Variants in INPP4A observed in about 807,000 individuals in gnomAD.
The protein encoded by INPP4A is inositol polyphosphate-4-phosphatase type I A, also known as inositol polyphosphate-4-phosphatase, type I, 107kD.
In INPP4A, 33 loss-of-function variants were observed where a neutral mutation model predicts 119.8. The observed-to-expected ratio is 0.28, with a 90% CI of 0.21 to 0.37. The LOEUF is 0.37. Among genes scored for constraint, INPP4A ranks in the 10% least tolerant of loss-of-function variants. The pLI, the probability that INPP4A is intolerant of heterozygous loss-of-function variation, is 1.00. For missense variants in INPP4A, 956 were observed against 1,289.9 expected, an observed-to-expected ratio of 0.74 and a Z score of 3.97; for synonymous variants, 496 against 500.7, an observed-to-expected ratio of 0.99 and a Z score of 0.12.
At chr2:98,505,628 TAGAA>T (rs1293809237) in intron 1 of INPP4A, among the ~76,000 whole-genome samples, 1 of 152,070 alleles carries the variant, frequency 6.6e-6, no homozygotes, top group Non-Finnish European at 1.5e-5. Flanking sequence ...TAATAGTAAA[TAGAA>T]GGAAGTTACA....
intron 1 of INPP4A, among the ~76,000 whole-genome samples, chr2:98,466,012 C>T (rs1479802895): frequency 6.6e-6 from 1 of 152,010 alleles, no homozygotes; most frequent in African/African-American, 2.4e-5. Flanking sequence ...TAGGAAGGGA[C>T]CTTCTTGTTA....
chr2:98,445,431 G>T (rs907144613), intron 1 of INPP4A, among the ~76,000 whole-genome samples: 3 of 152,242 alleles, frequency 2.0e-5, no homozygotes, highest in African/African-American at 7.2e-5. Context: ...AGGCCTTGCC[G>T]TGTTTGGGGT....
chr2:98,509,994 A>T (rs1165070103), intron 1 of INPP4A, among the ~76,000 whole-genome samples: 1 of 152,218 alleles, frequency 6.6e-6, no homozygotes, highest in East Asian at 1.9e-4. Context: ...TGGCTGATGC[A>T]AAGGCCACAC....
rs753111039 is a variant in INPP4A, at chr2:98,581,533, CCTTTTTCCTTTTTCTTTCTCCCAAA to C, written c.2786+4403_2786+4427del. 7.1e-5 allele frequency: 105 copies of C among 1,487,450 alleles called. 2 individuals carry two copies. The South Asian group carries it at 1.4e-3, about 20-fold the overall frequency. 92.1% of individuals were successfully genotyped at this position (1,487,450 alleles called of 1,614,324 possible). The stretch of plus-strand genomic sequence containing the variant: ...TTTTTTTCTTTATTTTCTTTCCTTT[CCTTTTTCCTTTTTCTTTCTCCCAAA>C]CTTTTTCCTTTTCACAGCATTGGAA... On this transcript the variant is annotated intron_variant, in intron 24 of 24. Coordinates refer to ENST00000409851, the MANE Select transcript of INPP4A (RefSeq NM_001134225.2).
chr2:98,473,014 C>G (rs1317226955), intron 1 of INPP4A, among the ~76,000 whole-genome samples: 8 of 139,656 alleles, frequency 5.7e-5, no homozygotes, highest in African/African-American at 8.3e-5. Flanking sequence ...AGTGTGGGTG[C>G]AGTGAAGAGT....
rs1406429449 is a variant in INPP4A at position 98,589,794 on chromosome 2, A to G, written c.*2186A>G. 2 of 185,880 alleles carry G rather than the reference A, an allele frequency of 1.1e-5. No homozygotes were observed. Among genetic ancestry groups the G allele is most frequent in the Admixed American group, 6.2e-5 (1 of 16,100 alleles). The allele number at this position is 185,880 out of a possible 1,614,324, so 11.5% of individuals were successfully genotyped here. A position where few individuals can be genotyped will look rare whatever the true frequency, so the allele number is the denominator to read the frequency against. ...TGCAGGGAAGGCAGTTTTACAGGTT[A>G]CCGTAAAACAGAGGTTCCGTCCAGT... On this transcript the variant is annotated 3_prime_UTR_variant, in exon 25 of 25. Coordinates refer to ENST00000409851, the MANE Select transcript of INPP4A (RefSeq NM_001134225.2).
chr2:98,496,385 T>C (rs550314623), intron 1 of INPP4A, among the ~76,000 whole-genome samples: 1 of 152,272 alleles, frequency 6.6e-6, no homozygotes, highest in South Asian at 2.1e-4. Context: ...CAAAATCAAT[T>C]AAATACTTAA....
intron 1 of INPP4A, among the ~76,000 whole-genome samples, chr2:98,500,669 T>G (rs1682945358): frequency 6.6e-6 from 1 of 152,116 alleles, no homozygotes; most frequent in Non-Finnish European, 1.5e-5. Flanking sequence ...GAGAGTAAAG[T>G]GGATTCTGGC....
intron 10 of INPP4A, among the ~76,000 whole-genome samples, 167 bp from the exon 11 acceptor site, chr2:98,543,707 TCTC>T (rs759719147): frequency 2.0e-5 from 3 of 152,196 alleles, no homozygotes; most frequent in Non-Finnish European, 2.9e-5. Context: ...CTGTCTGTCC[TCTC>T]CTCCAACCCA....
intron 1 of INPP4A, among the ~76,000 whole-genome samples, chr2:98,451,268 C>T (rs1695172477): frequency 1.3e-5 from 2 of 152,188 alleles, no homozygotes; most frequent in Non-Finnish European, 2.9e-5. Flanking sequence ...GGTGAGACTG[C>T]TGGCCTTTTA....
intron 24 of INPP4A, 47 bp from the exon 25 acceptor site, chr2:98,587,429 T>C: frequency 6.6e-7 from 1 of 1,518,586 alleles, no homozygotes; most frequent in Non-Finnish European, 8.8e-7. Flanking sequence ...GTCTTTTCTT[T>C]TTTCCTTTTT....
intron 6 of INPP4A, 37 bp downstream of exon 6, chr2:98,535,882 C>T: frequency 9.4e-7 from 1 of 1,065,776 alleles, no homozygotes; most frequent in Non-Finnish European, 1.4e-6. Context: ...GATTTTCTTC[C>T]CTTTGAAAAA....
chr2:98,538,453 C>T lies in INPP4A; in HGVS notation c.580-438C>T, dbSNP rs1244237772. On this transcript the variant is annotated intron_variant, in intron 8 of 24. Coordinates refer to ENST00000409851, the MANE Select transcript of INPP4A (RefSeq NM_001134225.2). Reference sequence around the variant, plus strand: ...CCTCTCTAGCTACACCCTCCTGCACCCACTGTCATGCATAGTCTCTCACAC... The same window carrying T: ...CCTCTCTAGCTACACCCTCCTGCACTCACTGTCATGCATAGTCTCTCACAC... Among the ~76,000 whole-genome samples the T allele has an allele frequency of 2.6e-5, 4 of 152,158 alleles. No individual in the cohort carries two copies. In the East Asian group the frequency reaches 5.8e-4, roughly 22 times the overall value.
chr2:98,469,902 A>G (rs1349859853), intron 1 of INPP4A, among the ~76,000 whole-genome samples: 1 of 152,222 alleles, frequency 6.6e-6, no homozygotes, highest in Non-Finnish European at 1.5e-5. Flanking sequence ...AGTCTCTTAG[A>G]TGCCGAGCCT....
chr2:98,569,056 C>T lies in INPP4A; in HGVS notation c.2518+388C>T, dbSNP rs751701799. On this transcript the variant is annotated intron_variant, in intron 22 of 24. Transcript: ENST00000409851. The surrounding 1 kb of genome is among the most constrained non-coding windows in gnomAD (Gnocchi z 5.1). ...TTTGTGGTGCTTAGAGAGGAAGATG[C>T]GGGGCCAACATTGCTGGGTGTTTGG... 7 of 170,720 alleles carry T rather than the reference C, an allele frequency of 4.1e-5. No individual in the cohort carries two copies. The highest frequency in any genetic ancestry group is 7.6e-5 in the Non-Finnish European group (6 of 79,124). The allele number at this position is 170,720 out of a possible 1,614,324, so 10.6% of individuals were successfully genotyped here. A position where few individuals can be genotyped will look rare whatever the true frequency, so the allele number is the denominator to read the frequency against.
Position 98,564,112 on chromosome 2 carries a change from G to T in INPP4A, c.2028+475G>T, listed in dbSNP as rs146392897. On this transcript the variant is annotated intron_variant, in intron 18 of 24. Coordinates refer to ENST00000409851, the MANE Select transcript of INPP4A (RefSeq NM_001134225.2). ...AATGAATGTAACAAGTTTAATAGTT[G>T]CCAGTAATCAAATTAGTAAAGTGAA... Among the ~76,000 whole-genome samples the T allele has an allele frequency of 3.9e-5, 6 of 152,214 alleles. No individual in the cohort carries two copies. In the East Asian group the frequency reaches 1.2e-3, roughly 29 times the overall value.
chr2:98,523,116 A>G (rs982166893), intron 4 of INPP4A, among the ~76,000 whole-genome samples: 1 of 152,218 alleles, frequency 6.6e-6, no homozygotes, highest in African/African-American at 2.4e-5. Flanking sequence ...ATGGTTCTTA[A>G]TGAGTAATAT....
At chr2:98,542,920 A>G (rs1691749111) in intron 10 of INPP4A, among the ~76,000 whole-genome samples, 1 of 151,122 alleles carries the variant, frequency 6.6e-6, no homozygotes, top group Non-Finnish European at 1.5e-5. Context: ...AGGTTCAGAC[A>G]GCTCCTCTCT....
chr2:98,531,877 A>G (rs1689304190), intron 4 of INPP4A, among the ~76,000 whole-genome samples: 1 of 152,258 alleles, frequency 6.6e-6, no homozygotes, highest in Admixed American at 6.5e-5. Flanking sequence ...CAATAGAGAA[A>G]GCATTGAAAA....
Sources: allele counts gnomAD v4.1 joint callset (sites outside exome capture counted in the v4.1 genomes callset), GRCh38; gene constraint gnomAD v4.1.1; non-coding constraint Gnocchi (gnomAD v3.1); transcripts MANE v1.5; gene names NCBI Gene and HGNC (gene_info 2026-07-23, HGNC 2026-07-21).